The following FAM76B variants were observed in gnomAD, a reference collection of about 807,000 sequenced individuals.
FAM76B encodes the protein protein FAM76B.
A neutral mutation model predicts 51.8 loss-of-function variants in FAM76B; 16 were observed. That is an observed-to-expected ratio of 0.31 (90% CI 0.21 to 0.47). The LOEUF (loss-of-function observed/expected upper bound fraction) is 0.47. Ranked by LOEUF, FAM76B falls within the 20% of genes least tolerant of loss-of-function variation. The pLI is 1.00. For synonymous variants in FAM76B, 166 were observed against 129.5 expected (o/e 1.28, Z -1.91); for missense variants, 342 against 392.6 (o/e 0.87, Z 1.09).
intron 1 of FAM76B, chr11:95,789,042 G>A: frequency 6.5e-6 from 9 of 1,382,520 alleles, no homozygotes; most frequent in South Asian, 2.5e-5. Context: ...GGAAGAAGAG[G>A]ACAGACCAGG....
chr11:95,784,247 T>C (rs1860429835), intron 4 of FAM76B, among the ~76,000 whole-genome samples: 1 of 151,856 alleles, frequency 6.6e-6, no homozygotes, highest in Admixed American at 6.6e-5. Flanking sequence ...TGAAAACACA[T>C]GGACACACTG....
chr11:95,776,066 T>C (rs1343533539), intron 8 of FAM76B, 43 bp from the exon 9 acceptor site: 8 of 1,020,600 alleles, frequency 7.8e-6, no homozygotes, highest in African/African-American at 1.7e-5. Context: ...TTTGCACACA[T>C]ACACACACAC....
intron 1 of FAM76B, chr11:95,789,000 G>C: frequency 1.5e-6 from 2 of 1,355,658 alleles, no homozygotes; most frequent in Non-Finnish European, 1.9e-6. Context: ...TTCCTAGCAA[G>C]AAAGTGCAAA....
chr11:95,785,532 A>G (rs1240192414), intron 4 of FAM76B, among the ~76,000 whole-genome samples: 1 of 152,242 alleles, frequency 6.6e-6, no homozygotes, highest in African/African-American at 2.4e-5. Context: ...GACATGTCTT[A>G]TAATGGGATA....
chr11:95,776,215 A>G (rs1371009175), intron 8 of FAM76B, among the ~76,000 whole-genome samples, 192 bp from the exon 9 acceptor site: 2 of 151,450 alleles, frequency 1.3e-5, no homozygotes, highest in East Asian at 3.9e-4. Context: ...ACAATAGTAT[A>G]ATTTTAATGT....
chr11:95,778,407 A>G (rs1204346128), intron 8 of FAM76B, among the ~76,000 whole-genome samples: 1 of 151,492 alleles, frequency 6.6e-6, no homozygotes, highest in Non-Finnish European at 1.5e-5. Context: ...ACTTTTCAGC[A>G]GTATTTTGAT....
intron 4 of FAM76B, among the ~76,000 whole-genome samples, chr11:95,785,910 A>T (rs1860547848): frequency 6.6e-6 from 1 of 152,218 alleles, no homozygotes; most frequent in South Asian, 2.1e-4. Flanking sequence ...CAGAATAGCC[A>T]CCATAGAATA....
At chr11:95,783,682 C>A (rs529844057) in intron 4 of FAM76B, among the ~76,000 whole-genome samples, 1 of 152,140 alleles carries the variant, frequency 6.6e-6, no homozygotes, top group Non-Finnish European at 1.5e-5. Context: ...ATCTAAATGA[C>A]ACACAGAGTT....
At chr11:95,772,036 C>A (rs781478480) in intron 9 of FAM76B, among the ~76,000 whole-genome samples, 4 of 151,058 alleles carry the variant, frequency 2.6e-5, no homozygotes, top group Non-Finnish European at 5.9e-5. Flanking sequence ...TTAATAAAAT[C>A]AAAGAATGAA....
At chr11:95,771,747 A>G in intron 9 of FAM76B, 97 bp from the exon 10 acceptor site, 1 of 945,132 alleles carries the variant, frequency 1.1e-6, no homozygotes, top group South Asian at 1.6e-5. Flanking sequence ...TCATTTATAT[A>G]AATGTTTCAC....
intron 5 of FAM76B, 31 bp from the exon 6 acceptor site, chr11:95,779,957 G>C: frequency 3.2e-6 from 5 of 1,573,742 alleles, no homozygotes; most frequent in Non-Finnish European, 3.5e-6. Flanking sequence ...ATCTAATAAT[G>C]ACATTTATTT....
At chr11:95,783,381 T>G (rs566506647) in intron 4 of FAM76B, 117 bp from the exon 5 acceptor site, 3 of 746,764 alleles carry the variant, frequency 4.0e-6, no homozygotes, top group Middle Eastern at 3.8e-4. Context: ...CACAAATGCA[T>G]GTATGCACAT....
intron 9 of FAM76B, 117 bp downstream of exon 9, chr11:95,775,804 AC>A: frequency 2.0e-6 from 1 of 506,606 alleles, no homozygotes; most frequent in East Asian, 3.5e-5. Context: ...CAAAATCAAA[AC>A]TGAAATGCAC....
intron 9 of FAM76B, among the ~76,000 whole-genome samples, chr11:95,775,390 T>G (rs1033919300): frequency 6.6e-6 from 1 of 151,402 alleles, no homozygotes; most frequent in Non-Finnish European, 1.5e-5. Flanking sequence ...GAGGTTCAGG[T>G]GGATCACTAC....
At chr11:95,785,037 T>C (rs948959425) in intron 4 of FAM76B, among the ~76,000 whole-genome samples, 1 of 152,242 alleles carries the variant, frequency 6.6e-6, no homozygotes, top group African/African-American at 2.4e-5. Flanking sequence ...AGTACTCCCC[T>C]ATCTACAGTT....
Position 95,769,555 on chromosome 11 carries a change from G to C in FAM76B, c.*2006C>G, listed in dbSNP as rs1240527605. The C allele has an allele frequency of 1.3e-5, 2 of 151,918 alleles. No individual in the cohort carries two copies. Among genetic ancestry groups the C allele is most frequent in the African/African-American group, 4.8e-5 (2 of 41,334 alleles). The allele number at this position is 151,918 out of a possible 1,614,324, so 9.4% of individuals were successfully genotyped here. On this transcript the variant is annotated 3_prime_UTR_variant, in exon 10 of 10. Transcript: ENST00000358780. The stretch of plus-strand genomic sequence containing the variant: ...GATGTTAGCTAAGGGGAAGGACGAG[G>C]ACAACTTTCTTTTGTAGTTTCTCCA...
At chr11:95,780,100 A>C (rs561510120) in intron 5 of FAM76B, among the ~76,000 whole-genome samples, 174 bp from the exon 6 acceptor site, 119 of 151,976 alleles carry the variant, frequency 7.8e-4, no homozygotes, top group African/African-American at 2.7e-3. Flanking sequence ...CATTCTGATG[A>C]AATAAATTTT....
chr11:95,779,865 A>C lies in FAM76B; in HGVS notation c.611+14T>G. 3.1e-6 allele frequency: 5 copies of C among 1,596,828 alleles called. No individual in the cohort carries two copies. Among genetic ancestry groups the C allele is most frequent in the Non-Finnish European group, 4.3e-6 (5 of 1,174,100 alleles). ...CATTTCAAAATACTTCAGAAAATACAGCAATGTATTTACCTCTGTTTCCAC... is the reference window on the plus strand; with the variant it reads ...CATTTCAAAATACTTCAGAAAATACCGCAATGTATTTACCTCTGTTTCCAC... On this transcript the variant is annotated intron_variant, in intron 6 of 9. Transcript: ENST00000358780.
intron 5 of FAM76B, 133 bp from the exon 6 acceptor site, chr11:95,780,059 C>T: frequency 4.1e-6 from 3 of 736,858 alleles, no homozygotes; most frequent in South Asian, 2.0e-5. Flanking sequence ...TTTAAGTTTT[C>T]AGACTAAGCT....
Sources: gnomAD v4.1 joint callset for allele counts (sites outside exome capture counted in the v4.1 genomes callset) on GRCh38, gnomAD v4.1.1 for gene constraint, MANE v1.5 for transcripts, NCBI Gene and HGNC (gene_info 2026-07-23, HGNC 2026-07-21) for gene names.